Variants in STAU1 observed in about 807,000 individuals in gnomAD.
The protein encoded by STAU1 is staufen double-stranded RNA binding protein 1, also known as double-stranded RNA-binding protein Staufen homolog 1.
In STAU1, 13 loss-of-function variants were observed where a neutral mutation model predicts 62.9. The observed-to-expected ratio is 0.21, with a 90% CI of 0.13 to 0.33. The LOEUF (loss-of-function observed/expected upper bound fraction) is 0.33. Ranked by LOEUF, STAU1 falls within the 10% of genes least tolerant of loss-of-function variation. The pLI is 1.00. For missense variants in STAU1, 571 were observed against 712.1 expected, an observed-to-expected ratio of 0.80 and a Z score of 2.25; for synonymous variants, 269 against 265.1, an observed-to-expected ratio of 1.01 and a Z score of -0.14.
the STAU1 span, among the ~76,000 whole-genome samples, chr20:49,206,273 C>G: frequency 1.3e-5 from 2 of 151,450 alleles, no homozygotes; most frequent in Non-Finnish European, 2.9e-5. Flanking sequence ...GGATTACAGG[C>G]GTGAGCCACC....
At chr20:49,193,694 G>A in the STAU1 span, among the ~76,000 whole-genome samples, 15 of 152,042 alleles carry the variant, frequency 9.9e-5, no homozygotes, top group African/African-American at 3.4e-4. Flanking sequence ...CGGGCCGGGC[G>A]CGGTGGCTCA....
chr20:49,136,315 AC>A (rs1047984359), intron 5 of STAU1, among the ~76,000 whole-genome samples: 8 of 152,228 alleles, frequency 5.3e-5, no homozygotes, highest in African/African-American at 1.9e-4. Context: ...ACAAAAAAAC[AC>A]CCATCAACAT....
chr20:49,196,218 CGAGGTCAG>C, the STAU1 span, among the ~76,000 whole-genome samples: 1 of 150,984 alleles, frequency 6.6e-6, no homozygotes, highest in South Asian at 2.1e-4. Context: ...GGGCGGATCA[CGAGGTCAG>C]GAGATCAAGA....
Position 49,154,030 on chromosome 20 carries a change from T to G in STAU1, c.247A>C (p.Lys83Gln), listed in dbSNP as rs1177572444. ...PTVELNALCM[K>Q]LGKKPMYKPV... The stretch of plus-strand genomic sequence containing the variant: ...TTATACATTGGTTTTTTTCCAAGTT[T>G]CATGCACAGTGCATTTAGTTCTACA... The change falls in exon 4 of 14, where the codon AAA becomes CAA. Residue 83 changes from lysine (K) to glutamine (Q), a missense_variant. Physicochemically the swap from Lys to Gln is moderately conservative, Grantham distance 53. Transcript: ENST00000371856. 1.2e-6 allele frequency: 2 copies of G among 1,613,126 alleles called. No individual in the cohort carries two copies. The highest frequency in any genetic ancestry group is 1.7e-6 in the Non-Finnish European group (2 of 1,179,820).
chr20:49,130,092 T>C lies in STAU1; in HGVS notation c.610-5505A>G, dbSNP rs185827979. ...ACAATACAAATCTTCAACTGGTAAA[T>C]AGATACACTGTAGTGTGTACACACT... On this transcript the variant is annotated intron_variant, in intron 6 of 13. Coordinates refer to ENST00000371856, the MANE Select transcript of STAU1 (RefSeq NM_017453.4). 2.3e-3 allele frequency among the ~76,000 whole-genome samples: 348 copies of C among 152,048 alleles called. 1 individual carries two copies. Among genetic ancestry groups the C allele is most frequent in the Admixed American group, 3.9e-3 (60 of 15,270 alleles).
the STAU1 span, among the ~76,000 whole-genome samples, chr20:49,195,332 T>C: frequency 1.4e-5 from 2 of 144,984 alleles, no homozygotes; most frequent in Non-Finnish European, 3.0e-5. Context: ...AGTCAAGACA[T>C]GAAGACCATC....
At chr20:49,203,088 C>T in the STAU1 span, among the ~76,000 whole-genome samples, 2 of 151,770 alleles carry the variant, frequency 1.3e-5, no homozygotes, top group Non-Finnish European at 2.9e-5. Flanking sequence ...TCAAATTAAA[C>T]CCAAAGTAAG....
chr20:49,119,143 T>C (rs2092405169), intron 9 of STAU1, among the ~76,000 whole-genome samples: 1 of 152,222 alleles, frequency 6.6e-6, no homozygotes, highest in Non-Finnish European at 1.5e-5. Flanking sequence ...TGGCTTTTGC[T>C]GAGGTCCTGC....
intron 1 of STAU1, among the ~76,000 whole-genome samples, chr20:49,177,684 CA>C (rs1054602877): frequency 2.8e-5 from 4 of 143,426 alleles, no homozygotes; most frequent in African/African-American, 5.2e-5. Flanking sequence ...GTCTCAAAAA[CA>C]AAAAAAAAAT....
the STAU1 span, chr20:49,210,472 CT>C: frequency 2.2e-6 from 1 of 455,888 alleles, no homozygotes; most frequent in Non-Finnish European, 4.4e-6. Context: ...TCTCTCTCTC[CT>C]TTTTTTCCTC....
At chr20:49,126,216 TA>T (rs2092609122) in intron 6 of STAU1, among the ~76,000 whole-genome samples, 1 of 151,826 alleles carries the variant, frequency 6.6e-6, no homozygotes, top group Non-Finnish European at 1.5e-5. Flanking sequence ...AATCAAACTT[TA>T]AAACTTTTGT....
At chr20:49,187,279 C>A (rs1300465048) in intron 1 of STAU1, among the ~76,000 whole-genome samples, 7 of 152,102 alleles carry the variant, frequency 4.6e-5, no homozygotes, top group Non-Finnish European at 7.3e-5. Context: ...CTGCAGTTGC[C>A]TAAGCGGAGA....
chr20:49,159,278 T>C lies in STAU1; in HGVS notation c.206-5207A>G, dbSNP rs147473278. The C allele has an allele frequency of 2.4e-4, 99 of 420,042 alleles. 3 individuals are homozygous for C. The East Asian group carries it at 0.011, about 47-fold the overall frequency. The allele number at this position is 420,042 out of a possible 1,614,324, so 26.0% of individuals were successfully genotyped here. A position where few individuals can be genotyped will look rare whatever the true frequency, so the allele number is the denominator to read the frequency against. On this transcript the variant is annotated intron_variant, in intron 3 of 13. Transcript: ENST00000371856. ...AGCAAGGCTAGAATCTTGGTTTTGA[T>C]AGAACCAAAAGTATACCACATCTCT... is the stretch of plus-strand genomic sequence containing the variant.
At chr20:49,158,835 C>T in intron 3 of STAU1, 1 of 808,118 alleles carries the variant, frequency 1.2e-6, no homozygotes, top group Non-Finnish European at 1.7e-6. Context: ...CGCGGTGGCT[C>T]ATGCCTGTAA....
At chr20:49,159,081 C>T in intron 3 of STAU1, 1 of 1,218,940 alleles carries the variant, frequency 8.2e-7, no homozygotes, top group South Asian at 1.5e-5. Context: ...CAGAAGCCTG[C>T]AACGCAGTAC....
chr20:49,209,837 A>G, the STAU1 span, among the ~76,000 whole-genome samples: 1 of 152,152 alleles, frequency 6.6e-6, no homozygotes, highest in Non-Finnish European at 1.5e-5. Context: ...TCACGAGGTC[A>G]GGAGATCGAG....
intron 2 of STAU1, among the ~76,000 whole-genome samples, chr20:49,168,085 ATT>A (rs3091970): frequency 4.8e-4 from 70 of 144,570 alleles, no homozygotes; most frequent in African/African-American, 6.9e-4. Flanking sequence ...TAAATTTTTA[ATT>A]TTTTTTTTTT....
At chr20:49,208,240 A>G in the STAU1 span, among the ~76,000 whole-genome samples, 5 of 152,052 alleles carry the variant, frequency 3.3e-5, no homozygotes, top group African/African-American at 1.2e-4. Context: ...TTGTATTTTT[A>G]GTAGAGACGG....
At chr20:49,160,705 A>G (rs1208594960) in intron 3 of STAU1, among the ~76,000 whole-genome samples, 1 of 152,256 alleles carries the variant, frequency 6.6e-6, no homozygotes, top group Non-Finnish European at 1.5e-5. Context: ...AATGACAAGG[A>G]TAACTGAAAC....
Sources: gnomAD v4.1 joint callset for allele counts (sites outside exome capture counted in the v4.1 genomes callset) on GRCh38, gnomAD v4.1.1 for gene constraint, MANE v1.5 for transcripts, NCBI Gene and HGNC (gene_info 2026-07-23, HGNC 2026-07-21) for gene names.